USP35: variants seen among roughly 807,000 people sequenced by gnomAD.
USP35 encodes ubiquitin carboxyl-terminal hydrolase 35.
Under a neutral mutation model 83.8 loss-of-function variants are expected in USP35, and 69 were observed. The observed-to-expected ratio is 0.82, with a 90% CI of 0.68 to 1.01. USP35 has a LOEUF of 1.01. Ranked by LOEUF, USP35 falls within the 50% of genes least tolerant of loss-of-function variation. The probability of loss-of-function intolerance (pLI) is 0.00; values close to 1 mark genes in which losing one functional copy is unlikely to be tolerated. For synonymous variants in USP35, 714 were observed against 589.5 expected (o/e 1.21, Z -3.06); for missense variants, 1,503 against 1,362.5 (o/e 1.10, Z -1.62).
Position 78,215,157 on chromosome 11 carries a change from G to GTAGAGAGCATTTGTTCTTATTCA in USP35, c.*1345_*1367dup, listed in dbSNP as rs1372868371. ...TTTCCACTTTACAACAGACGCTGAG[G>GTAGAGAGCATTTGTTCTTATTCA]TAGAGAGCATTTGTTCTTATTCACA... is the stretch of plus-strand genomic sequence containing the variant. On this transcript the variant is annotated 3_prime_UTR_variant, in exon 11 of 11. Transcript: ENST00000529308. 2 of 152,460 alleles carry GTAGAGAGCATTTGTTCTTATTCA rather than the reference G, an allele frequency of 1.3e-5. No homozygotes were observed. Among genetic ancestry groups the GTAGAGAGCATTTGTTCTTATTCA allele is most frequent in the African/African-American group, 4.8e-5 (2 of 41,430 alleles). The allele number at this position is 152,460 out of a possible 1,614,324, so 9.4% of individuals were successfully genotyped here.
At chr11:78,190,875 G>A (rs551403689) in intron 1 of USP35, among the ~76,000 whole-genome samples, 6 of 152,192 alleles carry the variant, frequency 3.9e-5, no homozygotes, top group Admixed American at 2.0e-4. Context: ...TGTCTGCAGA[G>A]TCTCCACTGA....
the USP35 span, chr11:78,220,304 C>T: frequency 1.2e-6 from 2 of 1,612,018 alleles, no homozygotes; most frequent in East Asian, 2.2e-5. Flanking sequence ...GCCCCCCCAA[C>T]TCTACTCCAG....
the USP35 span, chr11:78,222,066 C>T: frequency 7.4e-7 from 1 of 1,352,744 alleles, no homozygotes; most frequent in East Asian, 2.3e-5. Context: ...TCCCTAATGG[C>T]CCGACTCCAA....
chr11:78,228,046 A>C, the USP35 span, among the ~76,000 whole-genome samples: 1 of 152,174 alleles, frequency 6.6e-6, no homozygotes, highest in African/African-American at 2.4e-5. Context: ...GAGAAGAGAA[A>C]CAAGAGGGGA....
At chr11:78,204,219 C>T (rs1288031453) in intron 6 of USP35, among the ~76,000 whole-genome samples, 1 of 152,232 alleles carries the variant, frequency 6.6e-6, no homozygotes, top group Non-Finnish European at 1.5e-5. Flanking sequence ...GAAAAGATGG[C>T]TTCACATTTG....
chr11:78,212,362 T>C (rs1863817598), intron 10 of USP35, among the ~76,000 whole-genome samples: 1 of 152,210 alleles, frequency 6.6e-6, no homozygotes, highest in African/African-American at 2.4e-5. Context: ...TAGTTTGAAG[T>C]CAGGTAGGCA....
chr11:78,221,850 G>C, the USP35 span: 17 of 1,084,548 alleles, frequency 1.6e-5, 1 homozygote, highest in Admixed American at 3.1e-4. Flanking sequence ...CCTCCAGCTG[G>C]GCCCTGACCC....
chr11:78,228,207 T>A, the USP35 span, among the ~76,000 whole-genome samples: 4 of 152,192 alleles, frequency 2.6e-5, no homozygotes, highest in Non-Finnish European at 4.4e-5. Flanking sequence ...AAGAGTGGTT[T>A]TCAAACTAGA....
Position 78,213,943 on chromosome 11 carries a change from A to AG in USP35, c.*133dup, listed in dbSNP as rs1863931346. 1 of 1,015,960 alleles carries AG rather than the reference A, an allele frequency of 9.8e-7. No individual in the cohort carries two copies. The highest frequency in any genetic ancestry group is 3.1e-5 in the East Asian group (1 of 31,998). 62.9% of individuals were successfully genotyped at this position (1,015,960 alleles called of 1,614,324 possible). A position where few individuals can be genotyped will look rare whatever the true frequency, so the allele number is the denominator to read the frequency against. On this transcript the variant is annotated 3_prime_UTR_variant, in exon 11 of 11. Transcript: ENST00000529308. ...GGCACCTTAGTCCTCAGCCTGATGA[A>AG]GGGTACACAGAGATTCTCTCAGATA...
Position 78,210,311 on chromosome 11 carries a change from G to A in USP35, c.2456G>A (p.Arg819Gln), listed in dbSNP as rs574595962. Residue 819 changes from arginine to glutamine, a missense_variant, in exon 10 of 11, where the codon CGG (arginine) becomes CAG (glutamine). Coordinates refer to ENST00000529308, the MANE Select transcript of USP35 (RefSeq NM_020798.4). ...LRFSFDLRTMRRRKILDDVSI... is the reference protein window; with the variant it reads ...LRFSFDLRTMQRRKILDDVSI... ...TTCTCTTTCGACCTGCGCACCATGC[G>A]GCGCCGCAAGATCCTGGATGACGTC... 20 of 1,613,488 alleles carry A rather than the reference G, an allele frequency of 1.2e-5. No individual in the cohort carries two copies. Among genetic ancestry groups the A allele is most frequent in the South Asian group, 7.7e-5 (7 of 91,088 alleles).
downstream of USP35, among the ~76,000 whole-genome samples, chr11:78,220,132 A>G (rs1325999488): frequency 1.3e-5 from 2 of 152,144 alleles, no homozygotes; most frequent in African/African-American, 2.4e-5. Flanking sequence ...GTGCTCTGAG[A>G]GCAGGAATAG....
At chr11:78,225,126 A>G in the USP35 span, 18 of 1,612,660 alleles carry the variant, frequency 1.1e-5, no homozygotes, top group Non-Finnish European at 1.4e-5. Context: ...AGCCAACTCC[A>G]TCACTCATGG....
chr11:78,189,004 G>T lies in USP35; in HGVS notation c.-164G>T. The T allele has an allele frequency of 1.0e-6, 1 of 960,382 alleles. No homozygotes were observed. The highest frequency in any genetic ancestry group is 1.2e-6 in the Non-Finnish European group (1 of 807,020). The allele number at this position is 960,382 out of a possible 1,614,324, so 59.5% of individuals were successfully genotyped here. The stretch of plus-strand genomic sequence containing the variant: ...GGGTGGGAAGACTGGATTTTGCAGT[G>T]GAAGCAGCATCTCTTCCGTCTGGGA... On this transcript the variant is annotated 5_prime_UTR_variant, in exon 1 of 11. Coordinates refer to ENST00000529308, the MANE Select transcript of USP35 (RefSeq NM_020798.4).
chr11:78,221,870 C>G, the USP35 span: 1 of 818,508 alleles, frequency 1.2e-6, no homozygotes, highest in African/African-American at 1.7e-5. Context: ...CTCACACACC[C>G]AGACCTCAGC....
the USP35 span, chr11:78,223,723 G>C: frequency 2.0e-6 from 3 of 1,480,800 alleles, no homozygotes; most frequent in Non-Finnish European, 1.8e-6. Flanking sequence ...CTAGCAAGAA[G>C]AAACAGGAAG....
Position 78,213,765 on chromosome 11 carries a change from C to CAATCCTGCA in USP35, c.3010_3018dup (p.Asn1004_Ala1006dup). 1 of 1,548,786 alleles carries CAATCCTGCA rather than the reference C, an allele frequency of 6.5e-7. No homozygotes were observed. Among genetic ancestry groups the CAATCCTGCA allele is most frequent in the Non-Finnish European group, 8.7e-7 (1 of 1,156,036 alleles). ...AGGATGAAGGCTCTCCAGGGGGCTG[C>CAATCCTGCA]AATCCTGCAGGTGGCAATGGTGGTG... is the stretch of plus-strand genomic sequence containing the variant. On this transcript the variant is annotated inframe_insertion, in exon 11 of 11. Coordinates refer to ENST00000529308, the MANE Select transcript of USP35 (RefSeq NM_020798.4).
Position 78,214,648 on chromosome 11 carries a change from CTT to C in USP35, c.*836_*837del, listed in dbSNP as rs1243156161. The C allele has an allele frequency of 3.9e-4, 59 of 150,376 alleles. 1 individual carries two copies. The highest frequency in any genetic ancestry group is 1.4e-3 in the African/African-American group (57 of 40,456). The allele number at this position is 150,376 out of a possible 1,614,324, so 9.3% of individuals were successfully genotyped here. A position where few individuals can be genotyped will look rare whatever the true frequency, so the allele number is the denominator to read the frequency against. On this transcript the variant is annotated 3_prime_UTR_variant, in exon 11 of 11. Coordinates refer to ENST00000529308, the MANE Select transcript of USP35 (RefSeq NM_020798.4). The stretch of plus-strand genomic sequence containing the variant: ...TGACACTGCTGTAGCCCCCTTCTAA[CTT>C]CTAACCGAAGACAAGACAGACACCC...
chr11:78,210,267 C>T lies in USP35; in HGVS notation c.2412C>T (p.Leu804=). The T allele has an allele frequency of 1.2e-6, 2 of 1,614,168 alleles. No homozygotes were observed. Among genetic ancestry groups the T allele is most frequent in the Non-Finnish European group, 1.7e-6 (2 of 1,180,032 alleles). ...AGCTGAGCCAAGGGCCGTGCTACCTCATCCTCACACTGCTGCGCTTCTCTT... is the reference window on the plus strand; with the variant it reads ...AGCTGAGCCAAGGGCCGTGCTACCTTATCCTCACACTGCTGCGCTTCTCTT... ...VVELSQGPCY[L]ILTLLRFSFD... The change falls in exon 10 of 11, where the codon CTC becomes CTT. Residue 804 remains leucine, a synonymous_variant. Coordinates refer to ENST00000529308, the MANE Select transcript of USP35 (RefSeq NM_020798.4).
intron 3 of USP35, chr11:78,198,742 C>A: frequency 2.1e-6 from 2 of 967,780 alleles, no homozygotes; most frequent in Non-Finnish European, 2.5e-6. Flanking sequence ...GGTCAAATCC[C>A]GCCTCTACCA....
Sources: gnomAD v4.1 joint callset for allele counts (sites outside exome capture counted in the v4.1 genomes callset) on GRCh38, gnomAD v4.1.1 for gene constraint, MANE v1.5 for transcripts, NCBI Gene and HGNC (gene_info 2026-07-23, HGNC 2026-07-21) for gene names.